Variants in SLC44A5 observed in about 807,000 individuals in gnomAD.
SLC44A5 encodes solute carrier family 44 member 5, also known as choline transporter-like protein 5.
Under a neutral mutation model 101.8 loss-of-function variants are expected in SLC44A5, and 57 were observed. The observed-to-expected ratio is 0.56, with a 90% CI of 0.45 to 0.70. The LOEUF (loss-of-function observed/expected upper bound fraction) is 0.70, where lower values mean the gene tolerates loss of function less well. Among genes scored for constraint, SLC44A5 ranks in the 30% least tolerant of loss-of-function variants. The pLI is 0.00. For synonymous variants in SLC44A5, 281 were observed against 290.9 expected (o/e 0.97, Z 0.35); for missense variants, 737 against 853.1 (o/e 0.86, Z 1.70).
In SLC44A5 at chr1:75,597,204, G is replaced by C. The variant is rs555755126; in HGVS notation, c.-70+13836C>G. Among the ~76,000 whole-genome samples, 247 of 130,480 alleles carry C rather than the reference G, an allele frequency of 1.9e-3. 2 individuals are homozygous for C. The highest frequency in any genetic ancestry group is 6.4e-3 in the African/African-American group (229 of 35,618). 85.6% of individuals were successfully genotyped at this position (130,480 alleles called of 152,430 possible). The stretch of plus-strand genomic sequence containing the variant: ...CTTTGTCTCAAAAAAAAAAAAAAAA[G>C]CCACAAAAAGAACAAAATACCAAGG... On this transcript the variant is annotated intron_variant, in intron 1 of 23. Coordinates refer to ENST00000370859, the MANE Select transcript of SLC44A5 (RefSeq NM_001130058.2).
the SLC44A5 span, among the ~76,000 whole-genome samples, chr1:75,689,842 G>T: frequency 6.6e-6 from 1 of 152,176 alleles, no homozygotes; most frequent in Non-Finnish European, 1.5e-5. Flanking sequence ...GTCCTTGCTT[G>T]TTTAGCCTCC....
At chr1:75,363,125 CTCATTT>C (rs1181994481) in intron 3 of SLC44A5, among the ~76,000 whole-genome samples, 11 of 152,148 alleles carry the variant, frequency 7.2e-5, no homozygotes, top group Admixed American at 3.9e-4. Context: ...TACCCCTGCT[CTCATTT>C]GGTTTCCATT....
intron 9 of SLC44A5, among the ~76,000 whole-genome samples, chr1:75,239,893 C>G (rs1332053955): frequency 1.3e-5 from 2 of 152,048 alleles, no homozygotes; most frequent in Non-Finnish European, 2.9e-5. Context: ...ATGGTAGATA[C>G]ATACTCCTTG....
chr1:75,351,544 A>T (rs1658657018), intron 3 of SLC44A5, among the ~76,000 whole-genome samples: 1 of 152,128 alleles, frequency 6.6e-6, no homozygotes, highest in Non-Finnish European at 1.5e-5. Flanking sequence ...AGAGAGACAG[A>T]TATAAGGTAT....
intron 4 of SLC44A5, among the ~76,000 whole-genome samples, chr1:75,306,733 C>CTTTTTTTTTTTTTTTTT (rs771955227): frequency 9.7e-6 from 1 of 102,588 alleles, no homozygotes; most frequent in African/African-American, 4.2e-5. Context: ...GGTTTCCTTT[C>CTTTTTTTTTTTTTTTTT]TTTTTTTTTT....
At chr1:75,503,464 A>G (rs907593062) in intron 2 of SLC44A5, among the ~76,000 whole-genome samples, 1 of 152,078 alleles carries the variant, frequency 6.6e-6, no homozygotes, top group Non-Finnish European at 1.5e-5. Context: ...ATGCGAAGAC[A>G]TGCTTGCTTC....
chr1:75,500,332 T>G (rs891957453), intron 2 of SLC44A5, among the ~76,000 whole-genome samples: 26 of 152,194 alleles, frequency 1.7e-4, no homozygotes, highest in African/African-American at 6.3e-4. Flanking sequence ...GAAATTAATG[T>G]CTGAGGATCG....
At chr1:75,683,154 G>A in the SLC44A5 span, among the ~76,000 whole-genome samples, 7 of 151,504 alleles carry the variant, frequency 4.6e-5, no homozygotes, top group Admixed American at 1.3e-4. Context: ...TTACACTGTT[G>A]GTGGGACTGT....
chr1:75,492,416 C>T lies in SLC44A5; in HGVS notation c.13+49019G>A, dbSNP rs182816305. On this transcript the variant is annotated intron_variant, in intron 2 of 23. Coordinates refer to ENST00000370859, the MANE Select transcript of SLC44A5 (RefSeq NM_001130058.2). ...TCCACTATTTGCCCAGTGGCTATGA[C>T]AATATCTGGCAAAAAGGAAGCACTC... Among the ~76,000 whole-genome samples the T allele has an allele frequency of 2.0e-3, 307 of 152,020 alleles. 2 individuals carry two copies. Among genetic ancestry groups the T allele is most frequent in the Non-Finnish European group, 2.0e-3 (137 of 67,974 alleles).
At chr1:75,678,330 C>A in the SLC44A5 span, among the ~76,000 whole-genome samples, 315 of 152,296 alleles carry the variant, frequency 2.1e-3, 1 homozygote, top group African/African-American at 7.2e-3. Flanking sequence ...AACAAAAACA[C>A]AGCAGTAACC....
chr1:75,470,183 C>A (rs1467872087), intron 2 of SLC44A5, among the ~76,000 whole-genome samples: 1 of 152,076 alleles, frequency 6.6e-6, no homozygotes, highest in African/African-American at 2.4e-5. Flanking sequence ...ATCCTCAAGA[C>A]AATACTTTTT....
At chr1:75,241,200 T>C (rs1648597778) in intron 9 of SLC44A5, among the ~76,000 whole-genome samples, 2 of 152,052 alleles carry the variant, frequency 1.3e-5, no homozygotes, top group Admixed American at 1.3e-4. Flanking sequence ...GAAAGAAAAC[T>C]CAGTGATTAT....
At chr1:75,589,676 G>A (rs996336938) in intron 1 of SLC44A5, among the ~76,000 whole-genome samples, 3 of 152,134 alleles carry the variant, frequency 2.0e-5, no homozygotes, top group East Asian at 1.9e-4. Flanking sequence ...TAGAAAAAAC[G>A]GTCCTGAATC....
chr1:75,654,833 T>C, the SLC44A5 span, among the ~76,000 whole-genome samples: 1 of 152,164 alleles, frequency 6.6e-6, no homozygotes, highest in Non-Finnish European at 1.5e-5. Context: ...ATACTCTTTC[T>C]CTTTCTATTT....
chr1:75,702,261 C>T, the SLC44A5 span, among the ~76,000 whole-genome samples: 4 of 152,168 alleles, frequency 2.6e-5, no homozygotes, highest in African/African-American at 9.7e-5. Flanking sequence ...TCAAACTATA[C>T]TACAAGGCTA....
At chr1:75,712,332 C>T in the SLC44A5 span, among the ~76,000 whole-genome samples, 1 of 152,196 alleles carries the variant, frequency 6.6e-6, no homozygotes, top group African/African-American at 2.4e-5. Flanking sequence ...TCCAAGGTGA[C>T]ATACCTCCTA....
chr1:75,612,948 G>A (rs1675719332), upstream of SLC44A5, among the ~76,000 whole-genome samples: 1 of 152,104 alleles, frequency 6.6e-6, no homozygotes. Context: ...GATTCCATTG[G>A]CCTTTCTGAA....
chr1:75,491,627 C>A (rs969128346), intron 2 of SLC44A5, among the ~76,000 whole-genome samples: 1 of 152,014 alleles, frequency 6.6e-6, no homozygotes, highest in South Asian at 2.1e-4. Context: ...TTTATTTTTC[C>A]CAAAACCATA....
intron 1 of SLC44A5, among the ~76,000 whole-genome samples, chr1:75,564,210 CT>C (rs1235149202): frequency 6.6e-6 from 1 of 152,138 alleles, no homozygotes. Flanking sequence ...ATCTACTGTG[CT>C]AAACCCAAAG....
Sources: gnomAD v4.1 joint callset for allele counts (sites outside exome capture counted in the v4.1 genomes callset) on GRCh38, gnomAD v4.1.1 for gene constraint, MANE v1.5 for transcripts, NCBI Gene and HGNC (gene_info 2026-07-23, HGNC 2026-07-21) for gene names.